The following GABRA3 variants were observed in gnomAD, a reference collection of about 807,000 sequenced individuals.
GABRA3 encodes gamma-aminobutyric acid type A receptor subunit alpha3, also known as gamma-aminobutyric acid receptor subunit alpha-3.
GABRA3 carries 10 observed loss-of-function variants against 30.1 expected under a neutral mutation model. The ratio of observed to expected loss-of-function variants is 0.33; its 90% confidence interval spans 0.20 to 0.56. The LOEUF (loss-of-function observed/expected upper bound fraction) is 0.56. Among genes scored for constraint, GABRA3 ranks in the 20% least tolerant of loss-of-function variants. The pLI is 0.89. For synonymous variants in GABRA3, 151 were observed against 146.8 expected (o/e 1.03, Z -0.21); for missense variants, 233 against 392.0 (o/e 0.59, Z 3.42).
intron 4 of GABRA3, among the ~76,000 whole-genome samples, chrX:152,257,110 T>C (rs1480009996): frequency 3.6e-5 from 4 of 111,923 alleles, no homozygotes; most frequent in African/African-American, 1.3e-4. Context: ...AACAATAAGA[T>C]AGTGGTCCAC....
chrX:152,440,758 C>T (rs1223186578), intron 1 of GABRA3, among the ~76,000 whole-genome samples: 5 of 111,475 alleles, frequency 4.5e-5, no homozygotes, highest in African/African-American at 1.6e-4. Flanking sequence ...CAAACTAACA[C>T]AAGAACAGAA....
At chrX:152,304,637 CT>C (rs754075451) in intron 3 of GABRA3, among the ~76,000 whole-genome samples, 170 of 111,874 alleles carry the variant, frequency 1.5e-3, no homozygotes, top group African/African-American at 5.4e-3. Context: ...GGTCTCCATT[CT>C]GTTCCATTGG....
intron 7 of GABRA3, among the ~76,000 whole-genome samples, chrX:152,201,634 T>C (rs1336417213): frequency 8.9e-6 from 1 of 112,157 alleles, no homozygotes; most frequent in Non-Finnish European, 1.9e-5. Context: ...AAATATTTGA[T>C]AATAGAATGT....
intron 5 of GABRA3, among the ~76,000 whole-genome samples, chrX:152,254,743 A>T (rs758370062): frequency 9.0e-6 from 1 of 111,686 alleles, no homozygotes; most frequent in South Asian, 3.7e-4. Context: ...TTCACCACCT[A>T]TTTACCAGGC....
At chrX:152,321,861 C>G (rs986465890) in intron 3 of GABRA3, among the ~76,000 whole-genome samples, 1 of 110,146 alleles carries the variant, frequency 9.1e-6, no homozygotes, top group Non-Finnish European at 1.9e-5. Flanking sequence ...CCTCCCTGTC[C>G]TTCCCTACTC....
chrX:152,210,248 A>C (rs1937616911), intron 6 of GABRA3, among the ~76,000 whole-genome samples: 1 of 112,080 alleles, frequency 8.9e-6, no homozygotes, highest in Non-Finnish European at 1.9e-5. Flanking sequence ...TGTGTGCTTA[A>C]AGATGTGAAA....
intron 1 of GABRA3, among the ~76,000 whole-genome samples, chrX:152,366,004 T>C: frequency 8.9e-6 from 1 of 112,002 alleles, no homozygotes; most frequent in South Asian, 3.7e-4. Flanking sequence ...ATATAAGAGC[T>C]GTGACATCCA....
intron 1 of GABRA3, among the ~76,000 whole-genome samples, chrX:152,438,485 T>A (rs911568620): frequency 1.8e-5 from 2 of 112,415 alleles, no homozygotes; most frequent in East Asian, 5.6e-4. Context: ...TGAAAACTTA[T>A]ATCCACACAA....
At chrX:152,325,591 G>A (rs1326882342) in intron 3 of GABRA3, among the ~76,000 whole-genome samples, 3 of 111,972 alleles carry the variant, frequency 2.7e-5, no homozygotes, top group African/African-American at 9.7e-5. Flanking sequence ...AGAGGGTCTG[G>A]AGTGGACCTC....
At chrX:152,210,578 T>G (rs1368002515) in intron 6 of GABRA3, among the ~76,000 whole-genome samples, 1 of 112,507 alleles carries the variant, frequency 8.9e-6, no homozygotes, top group Non-Finnish European at 1.9e-5. Context: ...CATGTAGGAT[T>G]TGAGCCCAGT....
At chrX:152,393,426 A>G (rs752688068) in intron 1 of GABRA3, 4 of 378,353 alleles carry the variant, frequency 1.1e-5, no homozygotes, top group Non-Finnish European at 2.1e-5. Context: ...GTAAAGCAGT[A>G]GACAATGAAG....
intron 1 of GABRA3, among the ~76,000 whole-genome samples, chrX:152,446,499 C>T (rs1931090889): frequency 9.1e-6 from 1 of 109,773 alleles, no homozygotes; most frequent in South Asian, 4.0e-4. Context: ...TTCCATATCC[C>T]TGACTTTTTC....
intron 9 of GABRA3, among the ~76,000 whole-genome samples, chrX:152,170,301 C>T (rs112741160): frequency 2.0e-3 from 229 of 112,386 alleles, no homozygotes; most frequent in African/African-American, 6.6e-3. Flanking sequence ...GGCCAGTACA[C>T]AGGCCAAGGA....
At chrX:152,169,614 C>A (rs769087832) in intron 9 of GABRA3, among the ~76,000 whole-genome samples, 84 of 111,932 alleles carry the variant, frequency 7.5e-4, no homozygotes, top group African/African-American at 2.6e-3. Context: ...AGGCCAACCC[C>A]AGCCCCAGGC....
chrX:152,332,846 C>T (rs1347872764), intron 3 of GABRA3, among the ~76,000 whole-genome samples: 1 of 112,327 alleles, frequency 8.9e-6, no homozygotes, highest in African/African-American at 3.2e-5. Flanking sequence ...CATCTTGCTT[C>T]TCATTTTAAA....
intron 4 of GABRA3, among the ~76,000 whole-genome samples, chrX:152,257,374 G>T (rs776987818): frequency 8.9e-6 from 1 of 111,805 alleles, no homozygotes; most frequent in Non-Finnish European, 1.9e-5. Context: ...AAGGCACAGG[G>T]GACACTTCCA....
intron 9 of GABRA3, among the ~76,000 whole-genome samples, chrX:152,177,564 C>T: frequency 1.2e-5 from 1 of 84,418 alleles, no homozygotes; most frequent in South Asian, 6.0e-4. Flanking sequence ...CACTGTTTTT[C>T]TGAAAAAAAA....
intron 9 of GABRA3, among the ~76,000 whole-genome samples, chrX:152,184,447 A>T (rs1381185158): frequency 9.0e-6 from 1 of 111,094 alleles, no homozygotes; most frequent in Non-Finnish European, 1.9e-5. Context: ...ATACTTCAAA[A>T]TGTCAGTATG....
chrX:152,208,224 C>T, intron 6 of GABRA3, 80 bp from the exon 7 acceptor site: 4 of 1,013,082 alleles, frequency 3.9e-6, no homozygotes, highest in Non-Finnish European at 5.4e-6. Context: ...CAAATGAGAT[C>T]GAAATAAAAC....
Sources: gnomAD v4.1 joint callset for allele counts (sites outside exome capture counted in the v4.1 genomes callset) on GRCh38, gnomAD v4.1.1 for gene constraint, MANE v1.5 for transcripts, NCBI Gene and HGNC (gene_info 2026-07-23, HGNC 2026-07-21) for gene names.